GPC2: variants seen among roughly 807,000 people sequenced by gnomAD.
GPC2 encodes glypican 2, also known as glypican-2.
In GPC2, 42 loss-of-function variants were observed where a neutral mutation model predicts 57.3. The ratio of observed to expected loss-of-function variants is 0.73; its 90% CI spans 0.57 to 0.95. The LOEUF (loss-of-function observed/expected upper bound fraction) is 0.95. Among genes scored for constraint, GPC2 ranks in the 40% least tolerant of loss-of-function variants. The pLI is 0.00. For missense variants in GPC2, 745 were observed against 793.6 expected, an observed-to-expected ratio of 0.94 and a Z score of 0.74; for synonymous variants, 364 against 343.4, an observed-to-expected ratio of 1.06 and a Z score of -0.66.
chr7:100,177,341 C>A lies in GPC2; in HGVS notation c.-142G>T, dbSNP rs1799329845. On this transcript the variant is annotated 5_prime_UTR_variant, in exon 1 of 10. Transcript: ENST00000292377. ...GCTCCGGAAAACTGAATACCGAGCA[C>A]GATAGCTGGACCAGGCGGCATCTGC... 1.5e-6 allele frequency: 1 copy of A among 668,268 alleles called. No individual in the cohort carries two copies. The highest frequency in any genetic ancestry group is 2.3e-6 in the Non-Finnish European group (1 of 426,044). The allele number at this position is 668,268 out of a possible 1,614,324, so 41.4% of individuals were successfully genotyped here.
Position 100,177,304 on chromosome 7 carries a change from A to G in GPC2, c.-105T>C. On this transcript the variant is annotated 5_prime_UTR_variant, in exon 1 of 10. Coordinates refer to ENST00000292377, the MANE Select transcript of GPC2 (RefSeq NM_152742.3). ...GCCGCGGGACCGCTCCGCGGGCCAGAGAAAGAGCGCTGCTCCGGAAAACTG... is the reference window on the plus strand; with the variant it reads ...GCCGCGGGACCGCTCCGCGGGCCAGGGAAAGAGCGCTGCTCCGGAAAACTG... 1 of 995,482 alleles carries G rather than the reference A, an allele frequency of 1.0e-6. No individual in the cohort carries two copies. Among genetic ancestry groups the G allele is most frequent in the Non-Finnish European group, 1.4e-6 (1 of 697,858 alleles). 61.7% of individuals were successfully genotyped at this position (995,482 alleles called of 1,614,324 possible).
chr7:100,171,470 C>G lies in GPC2; in HGVS notation c.1311-34G>C. Reference sequence around the variant, plus strand: ...AGAGCAGCCCCGAAGCGCCAGCTAGCGCGCGCGGCCCCGCCCCTCCCGGCC... The same window carrying G: ...AGAGCAGCCCCGAAGCGCCAGCTAGGGCGCGCGGCCCCGCCCCTCCCGGCC... On this transcript the variant is annotated intron_variant, in intron 8 of 9. Coordinates refer to ENST00000292377, the MANE Select transcript of GPC2 (RefSeq NM_152742.3). The surrounding 1 kb of genome is among the most constrained non-coding windows in gnomAD (Gnocchi z 4.8). The G allele has an allele frequency of 7.4e-7, 1 of 1,352,714 alleles. No homozygotes were observed. Among genetic ancestry groups the G allele is most frequent in the African/African-American group, 1.5e-5 (1 of 65,126 alleles). 83.8% of individuals were successfully genotyped at this position (1,352,714 alleles called of 1,614,324 possible).
intron 9 of GPC2, 83 bp from the exon 10 acceptor site, chr7:100,170,566 CAGAA>C (rs918524534): frequency 3.3e-5 from 43 of 1,296,164 alleles, no homozygotes; most frequent in Non-Finnish European, 4.3e-5. Flanking sequence ...GAGATAAAAA[CAGAA>C]AGAGAGAGGA....
chr7:100,170,260 G>T lies in GPC2; in HGVS notation c.1710C>A (p.Leu570=). Residue 570 remains leucine (L), a synonymous_variant, in exon 10 of 10, where the codon CTC becomes CTA. Coordinates refer to ENST00000292377, the MANE Select transcript of GPC2 (RefSeq NM_152742.3). ...FHTQTILILS[L]SALALLGPR Reference sequence around the variant, plus strand: ...GAGGTCCAAGCAGGGCCAGGGCTGAGAGGGAGAGAATGAGGATGGTTTGGG... The same window carrying T: ...GAGGTCCAAGCAGGGCCAGGGCTGATAGGGAGAGAATGAGGATGGTTTGGG... The T allele has an allele frequency of 6.4e-7, 1 of 1,573,286 alleles. No individual in the cohort carries two copies. Among genetic ancestry groups the T allele is most frequent in the Non-Finnish European group, 8.6e-7 (1 of 1,158,422 alleles).
intron 1 of GPC2, among the ~76,000 whole-genome samples, chr7:100,176,809 G>T (rs1000195303): frequency 2.0e-5 from 3 of 152,162 alleles, no homozygotes; most frequent in African/African-American, 7.2e-5. Context: ...GTGTTAATTA[G>T]GAGGAGGGGA....
chr7:100,172,183 G>A lies in GPC2; in HGVS notation c.927C>T (p.Gly309=). Residue 309 remains glycine, a synonymous_variant, in exon 6 of 10, where the codon GGC becomes GGT. Transcript: ENST00000292377. The stretch of plus-strand genomic sequence containing the variant: ...CGGCCGTCAGCTCAAAGGAAAAGGG[G>A]CCCTGGAGCTTATCAGCCAGGATCA... The part of the protein sequence containing the change: ...GLLILADKLQ[G]PFSFELTAES... The A allele has an allele frequency of 6.2e-7, 1 of 1,613,940 alleles. No homozygotes were observed. Among genetic ancestry groups the A allele is most frequent in the Non-Finnish European group, 8.5e-7 (1 of 1,179,954 alleles).
At position 100,170,213 on chromosome 7, in the gene GPC2, AG is replaced by A. The variant is rs1430540331; in HGVS notation, c.*16del. On this transcript the variant is annotated 3_prime_UTR_variant, in exon 10 of 10. Coordinates refer to ENST00000292377, the MANE Select transcript of GPC2 (RefSeq NM_152742.3). ...AAGGGCCATGAACCCTTCTGATGCT[AG>A]GGCACCCCTCCCCCGTTATCGAGGT... 1.3e-6 allele frequency: 2 copies of A among 1,538,102 alleles called. No homozygotes were observed. The highest frequency in any genetic ancestry group is 2.7e-5 in the African/African-American group (2 of 72,780).
rs1441890370 is a variant in GPC2 at position 100,171,828 on chromosome 7, G to A, written c.1121C>T (p.Thr374Ile). 3 of 1,572,428 alleles carry A rather than the reference G, an allele frequency of 1.9e-6. No individual in the cohort carries two copies. Among genetic ancestry groups the A allele is most frequent in the Middle Eastern group, 1.8e-4 (1 of 5,532 alleles). ...GGCCGTCGTGGGCCGCTCCTCCTCG[G>A]TCACCATCGACCACAGCCGGCCCGC... is the stretch of plus-strand genomic sequence containing the variant. ...EEAGRLWSMVTEEERPTTAAG... is the reference protein window; with the variant it reads ...EEAGRLWSMVIEEERPTTAAG... Residue 374 changes from threonine (T) to isoleucine (I), a missense_variant, in exon 7 of 10, where the codon ACC becomes ATC. By Grantham distance (89) the Thr-to-Ile change is moderately conservative. Coordinates refer to ENST00000292377, the MANE Select transcript of GPC2 (RefSeq NM_152742.3). The surrounding 1 kb of genome is among the most constrained non-coding windows in gnomAD (Gnocchi z 4.8).
rs1464261844 is a variant in GPC2, at chr7:100,173,932, C to A, written c.795G>T (p.Gly265=). 8.1e-6 allele frequency: 13 copies of A among 1,603,388 alleles called. No individual in the cohort carries two copies. The highest frequency in any genetic ancestry group is 1.1e-5 in the Non-Finnish European group (13 of 1,175,160). The part of the protein sequence containing the change: ...MRLIGCPLCR[G]VPSLMPCQGF... ...CCTGGCAGGGCATAAGTGAGGGGAC[C>A]CCCCGGCACAGGGGACAGCCGATGA... Residue 265 remains glycine (G), a synonymous_variant, in exon 5 of 10, where the codon GGG becomes GGT. Transcript: ENST00000292377.
chr7:100,169,871 T>G lies in GPC2; in HGVS notation c.*359A>C, dbSNP rs1231229063. ...ACCAGATGCCCCCACCCCTCCCCAC[T>G]TCCAACTTCCTTCAAACCCCTTCCC... On this transcript the variant is annotated 3_prime_UTR_variant, in exon 10 of 10. Transcript: ENST00000292377. 2 of 115,346 alleles carry G rather than the reference T, an allele frequency of 1.7e-5. No homozygotes were observed. The highest frequency in any genetic ancestry group is 2.3e-4 in the East Asian group (1 of 4,282). 7.1% of individuals were successfully genotyped at this position (115,346 alleles called of 1,614,324 possible). A position where few individuals can be genotyped will look rare whatever the true frequency, so the allele number is the denominator to read the frequency against.
chr7:100,171,168 C>T lies in GPC2; in HGVS notation c.1486+93G>A. 1 of 1,139,534 alleles carries T rather than the reference C, an allele frequency of 8.8e-7. No individual in the cohort carries two copies. Among genetic ancestry groups the T allele is most frequent in the African/African-American group, 1.7e-5 (1 of 60,600 alleles). The allele number at this position is 1,139,534 out of a possible 1,614,324, so 70.6% of individuals were successfully genotyped here. A position where few individuals can be genotyped will look rare whatever the true frequency, so the allele number is the denominator to read the frequency against. ...GAATTAGTGAATTAATCAATGAACGCTAAGAGCAGAGGCACGGGCGGGAAC... is the reference window on the plus strand; with the variant it reads ...GAATTAGTGAATTAATCAATGAACGTTAAGAGCAGAGGCACGGGCGGGAAC... On this transcript the variant is annotated intron_variant, in intron 9 of 9. Transcript: ENST00000292377. The surrounding 1 kb of genome is among the most constrained non-coding windows in gnomAD (Gnocchi z 4.8).
At chr7:100,174,404 G>A in intron 4 of GPC2, 1 of 552,544 alleles carries the variant, frequency 1.8e-6, no homozygotes, top group Non-Finnish European at 3.3e-6. Flanking sequence ...GGCGGGGGCA[G>A]TATCCAATCT....
chr7:100,172,710 TGTATATATAC>T (rs1562957628), intron 5 of GPC2, among the ~76,000 whole-genome samples: 1 of 147,716 alleles, frequency 6.8e-6, no homozygotes, highest in African/African-American at 2.5e-5. Context: ...TGTATATATA[TGTATATATAC>T]ACGTATATAT....
At chr7:100,173,363 G>A (rs1799215572) in intron 5 of GPC2, 1 of 152,346 alleles carries the variant, frequency 6.6e-6, no homozygotes, top group Non-Finnish European at 1.5e-5. Flanking sequence ...TAACTCCTGG[G>A]ATCAAGGGAG....
In GPC2 at chr7:100,170,278, G is replaced by A. The variant is rs1389797495; in HGVS notation, c.1692C>T (p.Thr564=). The part of the protein sequence containing the change: ...GGASIGFHTQ[T]ILILSLSALA... Reference sequence around the variant, plus strand: ...GGGCTGAGAGGGAGAGAATGAGGATGGTTTGGGTGTGAAAACCAATAGATG... The same window carrying A: ...GGGCTGAGAGGGAGAGAATGAGGATAGTTTGGGTGTGAAAACCAATAGATG... The change falls in exon 10 of 10, where the codon ACC becomes ACT. Residue 564 remains threonine, a synonymous_variant. Transcript: ENST00000292377. The A allele has an allele frequency of 3.1e-6, 5 of 1,591,128 alleles. No individual in the cohort carries two copies. Among genetic ancestry groups the A allele is most frequent in the Non-Finnish European group, 4.3e-6 (5 of 1,168,418 alleles).
chr7:100,173,768 C>T, intron 5 of GPC2, 67 bp downstream of exon 5: 1 of 1,327,048 alleles, frequency 7.5e-7, no homozygotes, highest in South Asian at 1.8e-5. Context: ...GCCTCAGCCT[C>T]TCAAAGTGCT....
Position 100,174,007 on chromosome 7 carries a change from G to A in GPC2, c.730-10C>T. On this transcript the variant is annotated splice_polypyrimidine_tract_variant and intron_variant, in intron 4 of 9. Coordinates refer to ENST00000292377, the MANE Select transcript of GPC2 (RefSeq NM_152742.3). Reference sequence around the variant, plus strand: ...CTTCAGACACCGGCACCTGGGGGCAGAGAGTGGGGCTGTGTCCTCCACAAA... The same window carrying A: ...CTTCAGACACCGGCACCTGGGGGCAAAGAGTGGGGCTGTGTCCTCCACAAA... 1 of 1,563,254 alleles carries A rather than the reference G, an allele frequency of 6.4e-7. No homozygotes were observed. The highest frequency in any genetic ancestry group is 1.2e-5 in the South Asian group (1 of 83,788).
rs536695317 is a variant in GPC2 at position 100,173,508 on chromosome 7, C to T, written c.892+327G>A. 15 of 182,790 alleles carry T rather than the reference C, an allele frequency of 8.2e-5. No individual in the cohort carries two copies. The East Asian group carries it at 1.7e-3, about 21-fold the overall frequency. The allele number at this position is 182,790 out of a possible 1,614,324, so 11.3% of individuals were successfully genotyped here. A position where few individuals can be genotyped will look rare whatever the true frequency, so the allele number is the denominator to read the frequency against. On this transcript the variant is annotated intron_variant, in intron 5 of 9. Coordinates refer to ENST00000292377, the MANE Select transcript of GPC2 (RefSeq NM_152742.3). ...GCCCAGGCTGGCCTCCAACTCCTGG[C>T]CTCAAGTGATCCTCCTGCCTCAGCC... is the stretch of plus-strand genomic sequence containing the variant.
At position 100,175,667 on chromosome 7, in the gene GPC2, G is replaced by C; in HGVS notation, c.553C>G (p.Pro185Ala). 6.2e-7 allele frequency: 1 copy of C among 1,614,144 alleles called. No individual in the cohort carries two copies. Among genetic ancestry groups the C allele is most frequent in the Non-Finnish European group, 8.5e-7 (1 of 1,179,996 alleles). ...GAGAGGCAGAGCAGGTAGTCAGGGGGGAAGCTGTACTGTGGGTGCAGCAGC... is the reference window on the plus strand; with the variant it reads ...GAGAGGCAGAGCAGGTAGTCAGGGGCGAAGCTGTACTGTGGGTGCAGCAGC... ...FPLLHPQYSF[P>A]PDYLLCLSRL... Residue 185 changes from proline to alanine, a missense_variant, in exon 3 of 10, where the codon CCC (proline) becomes GCC (alanine). Transcript: ENST00000292377.
Sources: allele counts gnomAD v4.1 joint callset (sites outside exome capture counted in the v4.1 genomes callset), GRCh38; gene constraint gnomAD v4.1.1; non-coding constraint Gnocchi (gnomAD v3.1); transcripts MANE v1.5; gene names NCBI Gene and HGNC (gene_info 2026-07-23, HGNC 2026-07-21).